The following RAI14 variants were observed in gnomAD, a reference collection of about 807,000 sequenced individuals.
RAI14 encodes the protein ankycorbin.
RAI14 carries 45 observed loss-of-function variants against 115.4 expected under a neutral mutation model. That is an observed-to-expected ratio of 0.39 (90% CI 0.31 to 0.50). The LOEUF is 0.50. Among genes scored for constraint, RAI14 ranks in the 20% least tolerant of loss-of-function variants. RAI14 has a pLI of 0.85. For synonymous variants in RAI14, 371 were observed against 415.4 expected (o/e 0.89, Z 1.30); for missense variants, 939 against 1,131.2 (o/e 0.83, Z 2.44).
chr5:34,698,996 T>C (rs1739701166), intron 2 of RAI14, among the ~76,000 whole-genome samples: 1 of 152,138 alleles, frequency 6.6e-6, no homozygotes, highest in Admixed American at 6.5e-5. Context: ...TGCCACACCC[T>C]GTCCTGCCGT....
intron 13 of RAI14, among the ~76,000 whole-genome samples, chr5:34,819,783 T>G (rs1306094958): frequency 6.6e-6 from 1 of 152,086 alleles, no homozygotes; most frequent in African/African-American, 2.4e-5. Flanking sequence ...ATTGATTTAT[T>G]TTAGAGATGG....
intron 3 of RAI14, among the ~76,000 whole-genome samples, chr5:34,768,178 G>C (rs896634038): frequency 1.4e-5 from 2 of 146,916 alleles, no homozygotes; most frequent in African/African-American, 5.0e-5. Context: ...AGTGTGACTT[G>C]GATGTGAGGG....
intron 2 of RAI14, among the ~76,000 whole-genome samples, chr5:34,708,492 G>A (rs185394018): frequency 6.6e-6 from 1 of 152,108 alleles, no homozygotes; most frequent in African/African-American, 2.4e-5. Flanking sequence ...GTGAGCCACC[G>A]CACCTGGCCA....
chr5:34,701,369 AT>A (rs1740046479), intron 2 of RAI14, among the ~76,000 whole-genome samples: 2 of 152,214 alleles, frequency 1.3e-5, no homozygotes, highest in Non-Finnish European at 2.9e-5. Context: ...ACATAGTTAC[AT>A]CTTTTTCTTC....
intron 7 of RAI14, 122 bp from the exon 8 acceptor site, chr5:34,810,890 G>T: frequency 6.8e-7 from 1 of 1,460,444 alleles, no homozygotes; most frequent in Non-Finnish European, 9.3e-7. Context: ...GGTTGGACCA[G>T]ATACTAGATC....
At chr5:34,669,449 A>G (rs1461445294) in intron 1 of RAI14, among the ~76,000 whole-genome samples, 1 of 152,310 alleles carries the variant, frequency 6.6e-6, no homozygotes, top group African/African-American at 2.4e-5. Context: ...ATTTGATTCT[A>G]TGCCTCTTTG....
At chr5:34,736,868 G>C (rs1439803425) in intron 2 of RAI14, among the ~76,000 whole-genome samples, 1 of 152,202 alleles carries the variant, frequency 6.6e-6, no homozygotes, top group African/African-American at 2.4e-5. Flanking sequence ...AGTAATTCAG[G>C]AATCCCCAGT....
intron 2 of RAI14, among the ~76,000 whole-genome samples, chr5:34,734,252 G>A (rs1049511219): frequency 6.6e-6 from 1 of 152,220 alleles, no homozygotes; most frequent in Non-Finnish European, 1.5e-5. Flanking sequence ...GAACTGGGGG[G>A]GCTGGGGTGC....
intron 12 of RAI14, among the ~76,000 whole-genome samples, chr5:34,815,068 G>T (rs544944858): frequency 2.6e-5 from 4 of 152,064 alleles, no homozygotes; most frequent in Non-Finnish European, 4.4e-5. Context: ...CCAACAAGGC[G>T]AAACCCTATC....
At chr5:34,714,868 C>T (rs1741812030) in intron 2 of RAI14, among the ~76,000 whole-genome samples, 1 of 152,096 alleles carries the variant, frequency 6.6e-6, no homozygotes, top group Non-Finnish European at 1.5e-5. Flanking sequence ...TGACTCTAGC[C>T]ATCAAAGTGG....
intron 12 of RAI14, among the ~76,000 whole-genome samples, chr5:34,816,571 G>A (rs143961693): frequency 1.3e-5 from 2 of 152,172 alleles, no homozygotes; most frequent in East Asian, 1.9e-4. Flanking sequence ...CTGAGAAATT[G>A]TACTCAAGGG....
intron 14 of RAI14, among the ~76,000 whole-genome samples, chr5:34,822,250 GTATATATATA>G (rs376790121): frequency 8.2e-5 from 11 of 134,740 alleles, no homozygotes; most frequent in East Asian, 6.3e-4. Flanking sequence ...ATGTGTGTAT[GTATATATATA>G]TATATATATA....
chr5:34,771,566 G>A (rs1016268567), intron 3 of RAI14, among the ~76,000 whole-genome samples: 1 of 152,158 alleles, frequency 6.6e-6, no homozygotes, highest in Non-Finnish European at 1.5e-5. Context: ...AGCTTTCTGG[G>A]TTATAACTTA....
chr5:34,662,860 C>T (rs1219473950), intron 1 of RAI14, among the ~76,000 whole-genome samples: 1 of 150,746 alleles, frequency 6.6e-6, no homozygotes, highest in African/African-American at 2.4e-5. Flanking sequence ...TCCTGAGTAG[C>T]TGGGACTGCA....
intron 3 of RAI14, among the ~76,000 whole-genome samples, chr5:34,766,492 T>C (rs11948632): frequency 0.064 from 9,757 of 152,252 alleles, 472 homozygotes; most frequent in African/African-American, 0.14. Flanking sequence ...TTCAGACTTG[T>C]GTGGGCCCTG....
chr5:34,687,137 C>T (rs111570588), intron 2 of RAI14, among the ~76,000 whole-genome samples, 182 bp downstream of exon 2: 1 of 152,182 alleles, frequency 6.6e-6, no homozygotes, highest in African/African-American at 2.4e-5. Flanking sequence ...TGTTTGTGTG[C>T]ATAGCTTTCA....
At chr5:34,798,286 G>T (rs112574551) in intron 4 of RAI14, among the ~76,000 whole-genome samples, 81 of 151,140 alleles carry the variant, frequency 5.4e-4, no homozygotes, top group African/African-American at 1.8e-3. Context: ...TGATCCACCC[G>T]CCTTGGCATC....
intron 1 of RAI14, among the ~76,000 whole-genome samples, chr5:34,672,393 G>T (rs900257010): frequency 2.6e-5 from 4 of 152,138 alleles, no homozygotes; most frequent in East Asian, 1.9e-4. Context: ...GGGGTGTGGG[G>T]GGGGAGCATA....
At chr5:34,682,152 G>C (rs1744434724) in intron 1 of RAI14, among the ~76,000 whole-genome samples, 1 of 151,932 alleles carries the variant, frequency 6.6e-6, no homozygotes, top group East Asian at 1.9e-4. Context: ...ACCGTACCTG[G>C]CTAACCTGGA....
Sources: gnomAD v4.1 joint callset for allele counts (sites outside exome capture counted in the v4.1 genomes callset) on GRCh38, gnomAD v4.1.1 for gene constraint, MANE v1.5 for transcripts, NCBI Gene and HGNC (gene_info 2026-07-23, HGNC 2026-07-21) for gene names.